The following SH3GLB2 variants were observed in gnomAD, a reference collection of about 807,000 sequenced individuals.
The protein encoded by SH3GLB2 is endophilin-B2.
SH3GLB2 carries 24 observed loss-of-function variants against 48.0 expected under a neutral mutation model. The ratio of observed to expected loss-of-function variants is 0.50; its 90% confidence interval spans 0.36 to 0.70. SH3GLB2 has a LOEUF of 0.70. Among genes scored for constraint, SH3GLB2 ranks in the 30% least tolerant of loss-of-function variants. The probability of loss-of-function intolerance (pLI) is 0.00; values close to 1 mark genes in which losing one functional copy is unlikely to be tolerated. For missense variants in SH3GLB2, 425 were observed against 516.0 expected (o/e 0.82, Z 1.71); for synonymous variants, 227 against 207.6 (o/e 1.09, Z -0.80).
chr9:129,012,131 C>T (rs543838413), intron 6 of SH3GLB2, 105 bp downstream of exon 6: 5 of 703,318 alleles, frequency 7.1e-6, no homozygotes, highest in South Asian at 6.9e-5. Context: ...GCAGTGCCCC[C>T]GCCTTACCCA....
rs1465192896 is a variant in SH3GLB2 at position 129,014,245 on chromosome 9, T to C, written c.561+166A>G. Among the ~76,000 whole-genome samples, 1 of 151,998 alleles carries C rather than the reference T, an allele frequency of 6.6e-6. No homozygotes were observed. The highest frequency in any genetic ancestry group is 1.5e-5 in the Non-Finnish European group (1 of 67,970). ...GAGCTCGGGGGCCACCAAGGCTCCC[T>C]TGAGGGCAGGGACAGAGAGGCTCAG... On this transcript the variant is annotated intron_variant, in intron 5 of 10. Transcript: ENST00000372564. The surrounding 1 kb of genome is among the most constrained non-coding windows in gnomAD (Gnocchi z 4.1).
intron 5 of SH3GLB2, chr9:129,013,242 G>C: frequency 1.7e-6 from 1 of 572,548 alleles, no homozygotes; most frequent in Non-Finnish European, 3.1e-6. Flanking sequence ...TGTTCCTGGG[G>C]CTGCCCAAGT....
chr9:129,010,049 G>A, intron 8 of SH3GLB2, 71 bp downstream of exon 8: 1 of 1,512,814 alleles, frequency 6.6e-7, no homozygotes, highest in Admixed American at 1.7e-5. Context: ...CAGCCCTGCT[G>A]ACCTTGTGGT....
chr9:129,009,463 G>A, intron 9 of SH3GLB2, 117 bp from the exon 10 acceptor site: 1 of 1,549,632 alleles, frequency 6.5e-7, no homozygotes, highest in Non-Finnish European at 8.7e-7. Flanking sequence ...ATGGCACCCT[G>A]GGAGCTGGCA....
chr9:129,012,441 C>T, intron 5 of SH3GLB2, 143 bp from the exon 6 acceptor site: 1 of 439,518 alleles, frequency 2.3e-6, no homozygotes, highest in Non-Finnish European at 3.9e-6. Flanking sequence ...ACAACACAAA[C>T]CCCCTTCTCC....
rs1843337394 is a variant in SH3GLB2, at chr9:129,014,887, C to G, written c.352G>C (p.Val118Leu). Residue 118 changes from valine to leucine, a missense_variant, in exon 4 of 11, where the codon GTG (valine) becomes CTG (leucine). Coordinates refer to ENST00000372564, the MANE Select transcript of SH3GLB2 (RefSeq NM_020145.4). This position sits in a 1 kb window ranked among gnomAD's most constrained non-coding sequence, Gnocchi z 4.1. ...TTPYGKTLIK[V>L]AEAEKQLGAA... is the part of the protein sequence containing the mutation. ...CCCAGTTGCTTTTCAGCTTCTGCCA[C>G]CTTGATCAGTGTCTTCCCTGAGAAA... 2.5e-6 allele frequency: 4 copies of G among 1,613,944 alleles called. No individual in the cohort carries two copies. In the East Asian group the frequency reaches 8.9e-5, roughly 36 times the overall value.
At chr9:129,022,150 C>T (rs1476707622) in intron 2 of SH3GLB2, 132 bp downstream of exon 2, 1 of 1,374,384 alleles carries the variant, frequency 7.3e-7, no homozygotes, top group African/African-American at 1.4e-5. Context: ...TCTTCAACAG[C>T]CTTGAGCCCA....
In SH3GLB2 at chr9:129,009,004, C is replaced by T. The variant is rs1842923508; in HGVS notation, c.1080+102G>A. 4 of 1,556,208 alleles carry T rather than the reference C, an allele frequency of 2.6e-6. No individual in the cohort carries two copies. In the African/African-American group the frequency reaches 4.1e-5, roughly 16 times the overall value. On this transcript the variant is annotated intron_variant, in intron 10 of 10. Transcript: ENST00000372564. ...GCCCTCTTTAACCTGCTGGTCCCCA[C>T]TTTGCCAACAGGGCCCCTCCAGGCC...
At chr9:129,021,570 G>C (rs540733435) in intron 2 of SH3GLB2, among the ~76,000 whole-genome samples, 1 of 151,798 alleles carries the variant, frequency 6.6e-6, no homozygotes, top group Non-Finnish European at 1.5e-5. Context: ...CCTTTCCCCG[G>C]AAGTCCTGCA....
intron 3 of SH3GLB2, chr9:129,015,868 T>A (rs1564580042): frequency 8.3e-5 from 27 of 323,636 alleles, no homozygotes; most frequent in South Asian, 1.2e-4. Flanking sequence ...ATCCTGTCTT[T>A]AAAAAAAAGA....
chr9:129,026,737 GGA>G (rs570985636), intron 1 of SH3GLB2, among the ~76,000 whole-genome samples: 16 of 152,322 alleles, frequency 1.1e-4, no homozygotes, highest in African/African-American at 3.6e-4. Context: ...CCCAGATGTG[GGA>G]GATAGTGTGG....
At chr9:129,027,090 G>A (rs1416755622) in intron 1 of SH3GLB2, among the ~76,000 whole-genome samples, 1 of 152,106 alleles carries the variant, frequency 6.6e-6, no homozygotes, top group East Asian at 1.9e-4. Context: ...CCCTGGGATG[G>A]GCCAGCCCCG....
chr9:129,020,867 C>T (rs1219953924), intron 3 of SH3GLB2, among the ~76,000 whole-genome samples: 2 of 136,038 alleles, frequency 1.5e-5, no homozygotes, highest in Non-Finnish European at 3.1e-5. Flanking sequence ...GAGACTCCAT[C>T]TCAAAAAAAA....
intron 2 of SH3GLB2, among the ~76,000 whole-genome samples, chr9:129,022,008 T>A (rs1843837872): frequency 6.6e-6 from 1 of 151,968 alleles, no homozygotes; most frequent in Non-Finnish European, 1.5e-5. Context: ...GTGTGTGTTT[T>A]GCCTGCCTCT....
chr9:129,009,437 A>G, intron 9 of SH3GLB2, 91 bp from the exon 10 acceptor site: 1 of 1,550,010 alleles, frequency 6.5e-7, no homozygotes, highest in Middle Eastern at 1.8e-4. Flanking sequence ...GCCCCACTCC[A>G]GCCCCGGCTA....
chr9:129,009,126 G>A lies in SH3GLB2; in HGVS notation c.1060C>T (p.Leu354=), dbSNP rs1276070597. 1 of 1,609,732 alleles carries A rather than the reference G, an allele frequency of 6.2e-7. No individual in the cohort carries two copies. The highest frequency in any genetic ancestry group is 8.5e-7 in the Non-Finnish European group (1 of 1,179,750). The part of the protein sequence containing the change: ...YDYEAADSSE[L]ALLADELITV... Reference sequence around the variant, plus strand: ...CCCACCTCATCAGCCAGCAGGGCCAGCTCACTGCTGTCGGCTGCCTCGTAG... The same window carrying A: ...CCCACCTCATCAGCCAGCAGGGCCAACTCACTGCTGTCGGCTGCCTCGTAG... Residue 354 remains leucine, a synonymous_variant, in exon 10 of 11, where the codon CTG becomes TTG. Coordinates refer to ENST00000372564, the MANE Select transcript of SH3GLB2 (RefSeq NM_020145.4).
intron 3 of SH3GLB2, 131 bp downstream of exon 3, chr9:129,020,960 G>T (rs2131286790): frequency 8.8e-7 from 1 of 1,132,952 alleles, no homozygotes; most frequent in Non-Finnish European, 1.2e-6. Flanking sequence ...TCTGCGTAGA[G>T]TTTTTACATT....
chr9:129,016,798 T>A (rs1263126221), intron 3 of SH3GLB2, among the ~76,000 whole-genome samples: 1 of 152,046 alleles, frequency 6.6e-6, no homozygotes. Context: ...AGACAAAGAA[T>A]AGTATTTTAT....
At chr9:129,026,904 C>T (rs1406122877) in intron 1 of SH3GLB2, among the ~76,000 whole-genome samples, 2 of 152,226 alleles carry the variant, frequency 1.3e-5, no homozygotes, top group African/African-American at 2.4e-5. Context: ...GGATGCTAAT[C>T]CTCAGCGGGA....
Sources: gnomAD v4.1 joint callset for allele counts (sites outside exome capture counted in the v4.1 genomes callset) on GRCh38, gnomAD v4.1.1 for gene constraint, Gnocchi (gnomAD v3.1) non-coding constraint, MANE v1.5 for transcripts, NCBI Gene and HGNC (gene_info 2026-07-23, HGNC 2026-07-21) for gene names.